LHX8: variants seen among roughly 807,000 people sequenced by gnomAD.
The protein encoded by LHX8 is LIM/homeobox protein Lhx8.
A neutral mutation model predicts 40.3 loss-of-function variants in LHX8; 12 were observed. The observed-to-expected ratio is 0.30, with a 90% CI of 0.19 to 0.48. The LOEUF is 0.48. Ranked by LOEUF, LHX8 falls within the 20% of genes least tolerant of loss-of-function variation. The probability of loss-of-function intolerance (pLI) is 0.99; values close to 1 mark genes in which losing one functional copy is unlikely to be tolerated. For missense variants in LHX8, 344 were observed against 433.7 expected, an observed-to-expected ratio of 0.79 and a Z score of 1.84; for synonymous variants, 179 against 162.0, an observed-to-expected ratio of 1.10 and a Z score of -0.80.
At chr1:75,158,134 T>G (rs1403345054) in intron 8 of LHX8, among the ~76,000 whole-genome samples, 1 of 152,242 alleles carries the variant, frequency 6.6e-6, no homozygotes, top group Non-Finnish European at 1.5e-5. Context: ...TTAATTTGCC[T>G]TTCCCTGATG....
At chr1:75,130,167 G>T (rs1647925580), upstream of LHX8, 1 of 160,016 alleles carries the variant, frequency 6.2e-6, no homozygotes, top group Non-Finnish European at 1.4e-5. Flanking sequence ...AGCTTTCCAG[G>T]CTGCCCTGCT....
chr1:75,191,215 C>T, the LHX8 span, among the ~76,000 whole-genome samples: 1 of 151,680 alleles, frequency 6.6e-6, no homozygotes, highest in Non-Finnish European at 1.5e-5. Context: ...CACAGCCAGG[C>T]CAAGAATGAA....
the LHX8 span, among the ~76,000 whole-genome samples, chr1:75,192,827 G>T: frequency 6.6e-6 from 1 of 151,892 alleles, no homozygotes; most frequent in Non-Finnish European, 1.5e-5. Context: ...TGAGTAGCTG[G>T]GATTACAGAT....
At chr1:75,182,616 G>T in the LHX8 span, among the ~76,000 whole-genome samples, 6 of 152,102 alleles carry the variant, frequency 3.9e-5, no homozygotes, top group South Asian at 8.3e-4. Flanking sequence ...CAGGTAATCT[G>T]CCCACCTCGG....
At chr1:75,144,456 T>C (rs1175410626) in intron 6 of LHX8, among the ~76,000 whole-genome samples, 1 of 152,182 alleles carries the variant, frequency 6.6e-6, no homozygotes, top group Non-Finnish European at 1.5e-5. Context: ...AGGAAACTAC[T>C]GGTTGACTAC....
the LHX8 span, among the ~76,000 whole-genome samples, chr1:75,171,960 A>T: frequency 6.6e-6 from 1 of 152,178 alleles, no homozygotes; most frequent in African/African-American, 2.4e-5. Context: ...GTGTTTGTGT[A>T]GGGCGAGAAA....
the LHX8 span, among the ~76,000 whole-genome samples, chr1:75,170,659 G>A: frequency 3.3e-5 from 5 of 152,298 alleles, no homozygotes; most frequent in African/African-American, 1.2e-4. Flanking sequence ...GTCAACTGGA[G>A]ACTGGGGAGG....
At chr1:75,168,732 A>G in the LHX8 span, among the ~76,000 whole-genome samples, 2 of 152,206 alleles carry the variant, frequency 1.3e-5, no homozygotes, top group African/African-American at 2.4e-5. Flanking sequence ...GAAAGCTCAC[A>G]GGGTCTGCTT....
chr1:75,137,658 G>T (rs1648192288), intron 3 of LHX8, among the ~76,000 whole-genome samples: 1 of 152,168 alleles, frequency 6.6e-6, no homozygotes, highest in South Asian at 2.1e-4. Flanking sequence ...CCTCTAAACG[G>T]ACTGTGGTCT....
chr1:75,199,277 T>G, the LHX8 span, among the ~76,000 whole-genome samples: 1 of 152,174 alleles, frequency 6.6e-6, no homozygotes, highest in Non-Finnish European at 1.5e-5. Flanking sequence ...AGACCAATGC[T>G]TTTCACAACA....
chr1:75,182,369 C>CTTTTTTTTTTTTT, the LHX8 span, among the ~76,000 whole-genome samples: 1 of 92,318 alleles, frequency 1.1e-5, no homozygotes, highest in Non-Finnish European at 2.0e-5. Flanking sequence ...TGCCTATTTC[C>CTTTTTTTTTTTTT]TTTTTTTTTT....
chr1:75,158,541 A>G lies in LHX8; in HGVS notation c.964+1465A>G, dbSNP rs144675669. 5.4e-3 allele frequency among the ~76,000 whole-genome samples: 819 copies of G among 151,814 alleles called. 11 individuals are homozygous for G. Among genetic ancestry groups the G allele is most frequent in the African/African-American group, 0.019 (774 of 41,358 alleles). ...TTTACCTTTGCTGTGTAGATTTACAATTCATTTGGAACTGAATTTTGTGTG... is the reference window on the plus strand; with the variant it reads ...TTTACCTTTGCTGTGTAGATTTACAGTTCATTTGGAACTGAATTTTGTGTG... On this transcript the variant is annotated intron_variant, in intron 8 of 8. Transcript: ENST00000356261.
chr1:75,131,791 G>C (rs1412223288), upstream of LHX8: 1 of 152,252 alleles, frequency 6.6e-6, no homozygotes. Flanking sequence ...CCTGGGACAG[G>C]ACGCACTCCG....
At chr1:75,169,309 T>C in the LHX8 span, among the ~76,000 whole-genome samples, 1 of 152,224 alleles carries the variant, frequency 6.6e-6, no homozygotes, top group Non-Finnish European at 1.5e-5. Context: ...TGCATGGCCT[T>C]GTTGCTTAAT....
intron 6 of LHX8, among the ~76,000 whole-genome samples, chr1:75,148,162 A>G (rs1340728483): frequency 1.3e-5 from 2 of 152,134 alleles, no homozygotes; most frequent in Admixed American, 6.5e-5. Context: ...ACTATTAGGT[A>G]TTAGGGGCCT....
chr1:75,185,428 G>A, the LHX8 span, among the ~76,000 whole-genome samples: 7 of 151,910 alleles, frequency 4.6e-5, no homozygotes, highest in African/African-American at 1.7e-4. Context: ...TTTATCCCTG[G>A]GATGCAAAAT....
At chr1:75,176,040 A>G in the LHX8 span, among the ~76,000 whole-genome samples, 1 of 152,182 alleles carries the variant, frequency 6.6e-6, no homozygotes, top group South Asian at 2.1e-4. Flanking sequence ...CATGGTGTAT[A>G]TGTGCCACAT....
At chr1:75,140,031 C>T (rs1648269230) in intron 3 of LHX8, among the ~76,000 whole-genome samples, 1 of 151,782 alleles carries the variant, frequency 6.6e-6, no homozygotes, top group South Asian at 2.1e-4. Context: ...CTTGTGTCCA[C>T]TTAACAAGAG....
rs1194313560 is a variant in LHX8, at chr1:75,157,042, A to C, written c.930A>C (p.Gly310=). 6.2e-7 allele frequency: 1 copy of C among 1,614,066 alleles called. No individual in the cohort carries two copies. The highest frequency in any genetic ancestry group is 1.3e-5 in the African/African-American group (1 of 74,928). Reference sequence around the variant, plus strand: ...ATTCTGCCTACGTGCCCCAAGATGGAACGATGTTAACTGCGCTGCATAGTT... The same window carrying C: ...ATTCTGCCTACGTGCCCCAAGATGGCACGATGTTAACTGCGCTGCATAGTT... ...MAYSAYVPQD[G]TMLTALHSYM... is the part of the protein sequence containing the mutation. Residue 310 remains glycine (G), a synonymous_variant, in exon 8 of 9, where the codon GGA becomes GGC. Coordinates refer to ENST00000356261, the MANE Select transcript of LHX8 (RefSeq NM_001256114.2).
Sources: allele counts gnomAD v4.1 joint callset (sites outside exome capture counted in the v4.1 genomes callset), GRCh38; gene constraint gnomAD v4.1.1; transcripts MANE v1.5; gene names NCBI Gene and HGNC (gene_info 2026-07-23, HGNC 2026-07-21).